MAGED1: variants seen among roughly 807,000 people sequenced by gnomAD.
The protein encoded by MAGED1 is MAGE family member D1, also known as melanoma-associated antigen D1.
MAGED1 carries 3 observed loss-of-function variants against 54.1 expected under a neutral mutation model. That is an observed-to-expected ratio of 0.06 (90% CI 0.03 to 0.14). MAGED1 has a LOEUF of 0.14. Among genes scored for constraint, MAGED1 ranks in the 10% least tolerant of loss-of-function variants. The pLI, the probability that MAGED1 is intolerant of heterozygous loss-of-function variation, is 1.00. For missense variants in MAGED1, 485 were observed against 623.4 expected (o/e 0.78, Z 2.36); for synonymous variants, 217 against 227.3 (o/e 0.95, Z 0.41).
At chrX:51,854,215 C>T (rs1434031883) in intron 1 of MAGED1, among the ~76,000 whole-genome samples, 2 of 112,091 alleles carry the variant, frequency 1.8e-5, no homozygotes, top group African/African-American at 6.5e-5. Context: ...TCCCTTTCTA[C>T]CACCCACCTT....
chrX:51,869,009 G>A (rs782066369), intron 1 of MAGED1, among the ~76,000 whole-genome samples: 2 of 111,956 alleles, frequency 1.8e-5, no homozygotes, highest in East Asian at 5.6e-4. Context: ...GTTTCTGAGT[G>A]CCAGTGAGGA....
chrX:51,886,031 A>G (rs896200271), intron 1 of MAGED1, among the ~76,000 whole-genome samples: 2 of 106,089 alleles, frequency 1.9e-5, no homozygotes, highest in Non-Finnish European at 3.9e-5. Flanking sequence ...ACACAGAAAG[A>G]CAAATATTAC....
At chrX:51,898,015 C>T in intron 7 of MAGED1, 99 bp from the exon 8 acceptor site, 1 of 911,477 alleles carries the variant, frequency 1.1e-6, no homozygotes, top group Non-Finnish European at 1.6e-6. Context: ...GTATAATTCT[C>T]CCCTAGCTGA....
chrX:51,890,832 CAAAAA>C (rs11393540), upstream of MAGED1, among the ~76,000 whole-genome samples: 5 of 62,917 alleles, frequency 7.9e-5, no homozygotes, highest in Admixed American at 2.1e-4. Flanking sequence ...ATAAGATTGG[CAAAAA>C]AAAAAAAAAA....
At chrX:51,873,532 TGTGA>T (rs1455176837) in intron 1 of MAGED1, among the ~76,000 whole-genome samples, 1 of 28,779 alleles carries the variant, frequency 3.5e-5, no homozygotes, top group Non-Finnish European at 6.2e-5. Context: ...TGTGTGTGTG[TGTGA>T]GAGAGAGAGA....
At chrX:51,804,664 A>C (rs1295930137) in intron 1 of MAGED1, among the ~76,000 whole-genome samples, 1 of 111,583 alleles carries the variant, frequency 9.0e-6, no homozygotes, top group Non-Finnish European at 1.9e-5. Flanking sequence ...TATATTGGCA[A>C]GTGGCACTGG....
intron 1 of MAGED1, among the ~76,000 whole-genome samples, chrX:51,824,862 C>CTG (rs58934297): frequency 0.11 from 8,228 of 72,471 alleles, 528 homozygotes; most frequent in African/African-American, 0.21. Flanking sequence ...TCTCAGAAAC[C>CTG]TGTGTGTGTG....
Position 51,900,076 on chromosome X carries a change from G to A in MAGED1, c.1845-106G>A. 7.6e-6 allele frequency: 4 copies of A among 524,222 alleles called. No homozygotes were observed. In the Middle Eastern group the frequency reaches 1.3e-3, roughly 176 times the overall value. The allele number at this position is 524,222 out of a possible 1,213,427, so 43.2% of individuals were successfully genotyped here. On this transcript the variant is annotated intron_variant, in intron 10 of 12. Transcript: ENST00000326587. ...GATGGTGTTCAGGAATGAGCCCAAG[G>A]GGGAGTTGCTATCTGAAATCTGTTA...
rs782228075 is a variant in MAGED1, at chrX:51,874,968, CAGTT to C, written c.-36-19298_-36-19295del. On this transcript the variant is annotated intron_variant, in intron 1 of 12. Coordinates refer to the MAGED1 transcript ENST00000375772. Reference sequence around the variant, plus strand: ...GTTCTGAAATGCACTTCTTTGGAAACAGTTAGATCTTTTTGAGTCTTGCTTTTAT... The same window carrying C: ...GTTCTGAAATGCACTTCTTTGGAAACAGATCTTTTTGAGTCTTGCTTTTAT... Among the ~76,000 whole-genome samples the C allele has an allele frequency of 1.6e-3, 177 of 111,144 alleles. 1 individual carries two copies. Among genetic ancestry groups the C allele is most frequent in the African/African-American group, 5.4e-3 (165 of 30,614 alleles).
intron 1 of MAGED1, among the ~76,000 whole-genome samples, chrX:51,872,033 G>C (rs1448020074): frequency 8.9e-6 from 1 of 112,195 alleles, no homozygotes. Flanking sequence ...CAGTGATGAT[G>C]AGCATTTTTT....
At chrX:51,824,189 A>G (rs1307598137) in intron 1 of MAGED1, among the ~76,000 whole-genome samples, 1 of 111,553 alleles carries the variant, frequency 9.0e-6, no homozygotes, top group Non-Finnish European at 1.9e-5. Flanking sequence ...AGTATTGCTC[A>G]TAGGGCATCT....
chrX:51,901,215 C>T (rs895335387), intron 11 of MAGED1, among the ~76,000 whole-genome samples: 3 of 111,861 alleles, frequency 2.7e-5, no homozygotes, highest in Non-Finnish European at 3.8e-5. Flanking sequence ...ACCTTTTAAC[C>T]GATATCTCCC....
At chrX:51,876,557 GA>G (rs1483119395) in intron 1 of MAGED1, among the ~76,000 whole-genome samples, 1 of 110,762 alleles carries the variant, frequency 9.0e-6, no homozygotes, top group Non-Finnish European at 1.9e-5. Context: ...CAAGAAAAAG[GA>G]AAACACTCTT....
At chrX:51,803,875 C>T (rs1277593018) in intron 1 of MAGED1, among the ~76,000 whole-genome samples, 2 of 110,081 alleles carry the variant, frequency 1.8e-5, no homozygotes, top group Non-Finnish European at 3.8e-5. Context: ...GTGGATTATA[C>T]CTGTAACCTG....
chrX:51,826,034 A>G (rs1239617430), intron 1 of MAGED1, among the ~76,000 whole-genome samples: 1 of 112,541 alleles, frequency 8.9e-6, no homozygotes, highest in African/African-American at 3.2e-5. Flanking sequence ...CCACTGCTAA[A>G]CAGCTGAGCC....
At chrX:51,832,372 A>G (rs782761080) in intron 1 of MAGED1, among the ~76,000 whole-genome samples, 11 of 111,336 alleles carry the variant, frequency 9.9e-5, no homozygotes, top group African/African-American at 1.3e-4. Context: ...ATTGTTAACT[A>G]TAGTCACCCT....
chrX:51,888,061 C>A (rs1557362958), intron 1 of MAGED1, among the ~76,000 whole-genome samples: 1 of 110,918 alleles, frequency 9.0e-6, no homozygotes, highest in Non-Finnish European at 1.9e-5. Context: ...TTAATGGGTA[C>A]AAAAAATACT....
intron 1 of MAGED1, among the ~76,000 whole-genome samples, chrX:51,884,467 GAAGGAA>G (rs1424707216): frequency 3.6e-5 from 4 of 112,032 alleles, no homozygotes; most frequent in Non-Finnish European, 7.5e-5. Flanking sequence ...ATTTCCAGAA[GAAGGAA>G]AACTAAGAAT....
intron 1 of MAGED1, among the ~76,000 whole-genome samples, chrX:51,856,655 C>T (rs1422593156): frequency 8.9e-6 from 1 of 111,765 alleles, no homozygotes; most frequent in Non-Finnish European, 1.9e-5. Flanking sequence ...AGTGAAATTC[C>T]AAAGAATGTT....
Sources: allele counts gnomAD v4.1 joint callset (sites outside exome capture counted in the v4.1 genomes callset), GRCh38; gene constraint gnomAD v4.1.1; transcripts MANE v1.5; gene names NCBI Gene and HGNC (gene_info 2026-07-23, HGNC 2026-07-21).